Variants in CRPPA observed in about 807,000 individuals in gnomAD.
CRPPA encodes D-ribitol-5-phosphate cytidylyltransferase.
In CRPPA, 43 loss-of-function variants were observed where a neutral mutation model predicts 52.0. The ratio of observed to expected loss-of-function variants is 0.83; its 90% CI spans 0.65 to 1.07. CRPPA has a LOEUF of 1.07. CRPPA is among the 50% of genes least tolerant of loss of function. The pLI is 0.00. For missense variants in CRPPA, 629 were observed against 551.7 expected, an observed-to-expected ratio of 1.14 and a Z score of -1.40; for synonymous variants, 250 against 203.5, an observed-to-expected ratio of 1.23 and a Z score of -1.94.
At chr7:16,138,458 T>C (rs1782802561) in intron 9 of CRPPA, among the ~76,000 whole-genome samples, 2 of 152,148 alleles carry the variant, frequency 1.3e-5, no homozygotes, top group Non-Finnish European at 2.9e-5. Flanking sequence ...TAAAAGCTTT[T>C]AAGTGAACAT....
intron 3 of CRPPA, among the ~76,000 whole-genome samples, chr7:16,351,973 T>C (rs1391663217): frequency 6.6e-6 from 1 of 152,184 alleles, no homozygotes; most frequent in Non-Finnish European, 1.5e-5. Context: ...CGTATGTTTA[T>C]TGCAGCACTA....
intron 2 of CRPPA, among the ~76,000 whole-genome samples, chr7:16,400,351 T>C (rs995061592): frequency 2.0e-5 from 3 of 152,244 alleles, no homozygotes; most frequent in Non-Finnish European, 2.9e-5. Flanking sequence ...ATTGACATGA[T>C]TGACACATGA....
chr7:16,278,818 T>C (rs1345505445), intron 5 of CRPPA, among the ~76,000 whole-genome samples: 2 of 152,228 alleles, frequency 1.3e-5, no homozygotes, highest in Admixed American at 1.3e-4. Flanking sequence ...TTATAAACTA[T>C]GTAACACAGT....
At chr7:16,265,346 G>T (rs1379040933) in intron 6 of CRPPA, among the ~76,000 whole-genome samples, 1 of 152,150 alleles carries the variant, frequency 6.6e-6, no homozygotes, top group Admixed American at 6.6e-5. Context: ...CACTGCTATT[G>T]GATCCCTATC....
At chr7:16,142,453 GC>G (rs1406249520) in intron 9 of CRPPA, among the ~76,000 whole-genome samples, 1 of 152,176 alleles carries the variant, frequency 6.6e-6, no homozygotes, top group Non-Finnish European at 1.5e-5. Context: ...AAGAGATTGT[GC>G]AGGAAGAGAA....
chr7:16,395,079 T>C (rs753035058), intron 2 of CRPPA, among the ~76,000 whole-genome samples: 13 of 152,162 alleles, frequency 8.5e-5, no homozygotes, highest in Non-Finnish European at 1.5e-4. Flanking sequence ...CACATCTCCC[T>C]GAGAAGCTTG....
At chr7:16,408,759 C>T (rs1788013865) in intron 1 of CRPPA, among the ~76,000 whole-genome samples, 3 of 152,026 alleles carry the variant, frequency 2.0e-5, no homozygotes, top group Admixed American at 2.0e-4. Context: ...GGAGATGGTC[C>T]TGAATTATCT....
intron 8 of CRPPA, among the ~76,000 whole-genome samples, chr7:16,243,397 G>A (rs1489979716): frequency 6.6e-6 from 1 of 152,094 alleles, no homozygotes; most frequent in Non-Finnish European, 1.5e-5. Context: ...AAAATCTGTA[G>A]AATTCTGAGA....
intron 9 of CRPPA, among the ~76,000 whole-genome samples, chr7:16,195,875 T>C (rs1781719986): frequency 6.6e-6 from 1 of 152,100 alleles, no homozygotes; most frequent in Non-Finnish European, 1.5e-5. Flanking sequence ...CAGATTCCTT[T>C]GTTCCTCTGC....
intron 3 of CRPPA, among the ~76,000 whole-genome samples, chr7:16,373,211 G>A (rs142279301): frequency 0.02 from 3,097 of 152,046 alleles, 97 homozygotes; most frequent in African/African-American, 0.071. Flanking sequence ...CAGGAGAATC[G>A]CTTGAACCCA....
chr7:16,188,764 C>T (rs1436994779), intron 9 of CRPPA, among the ~76,000 whole-genome samples: 1 of 152,152 alleles, frequency 6.6e-6, no homozygotes, highest in African/African-American at 2.4e-5. Context: ...AATGTATTTA[C>T]TTTTATGTGG....
intron 9 of CRPPA, among the ~76,000 whole-genome samples, chr7:16,169,607 A>G (rs929419813): frequency 2.0e-5 from 3 of 152,240 alleles, no homozygotes; most frequent in Non-Finnish European, 2.9e-5. Context: ...AAAAAAATAT[A>G]TGCATTTAAT....
rs116046353 is a variant in CRPPA at position 16,283,316 on chromosome 7, A to G, written c.836-5090T>C. The stretch of plus-strand genomic sequence containing the variant: ...CCTATTCATACCTATATTGTATCAT[A>G]TATGTATTTTATATGTTATGAAAGT... On this transcript the variant is annotated intron_variant, in intron 5 of 9. Coordinates refer to ENST00000407010, the MANE Select transcript of CRPPA (RefSeq NM_001101426.4). 1.4e-3 allele frequency among the ~76,000 whole-genome samples: 207 copies of G among 150,788 alleles called. 1 individual carries two copies. Among genetic ancestry groups the G allele is most frequent in the African/African-American group, 4.9e-3 (201 of 41,266 alleles).
chr7:16,288,349 C>G (rs926895560), intron 5 of CRPPA, among the ~76,000 whole-genome samples: 8 of 151,434 alleles, frequency 5.3e-5, no homozygotes, highest in Admixed American at 5.3e-4. Context: ...TCAATTAAGT[C>G]AAGCTAAAAT....
Position 16,182,193 on chromosome 7 carries a change from A to G in CRPPA, c.1251+33873T>C, listed in dbSNP as rs537529060. On this transcript the variant is annotated intron_variant, in intron 9 of 9. Coordinates refer to ENST00000407010, the MANE Select transcript of CRPPA (RefSeq NM_001101426.4). ...ACCCAACTAATTGATGCCAGGCAGCATTAATAGGGATAAGAAAAATATTTT... is the reference window on the plus strand; with the variant it reads ...ACCCAACTAATTGATGCCAGGCAGCGTTAATAGGGATAAGAAAAATATTTT... Among the ~76,000 whole-genome samples, 12 of 152,150 alleles carry G rather than the reference A, an allele frequency of 7.9e-5. No homozygotes were observed. In the South Asian group the frequency reaches 2.5e-3, roughly 32 times the overall value.
At chr7:16,392,631 G>A (rs1031002025) in intron 2 of CRPPA, among the ~76,000 whole-genome samples, 6 of 152,198 alleles carry the variant, frequency 3.9e-5, no homozygotes, top group African/African-American at 7.2e-5. Context: ...CTGTGAACTC[G>A]TTTCCCTCAT....
At chr7:16,108,403 A>G (rs975622196) in intron 9 of CRPPA, among the ~76,000 whole-genome samples, 1 of 151,966 alleles carries the variant, frequency 6.6e-6, no homozygotes, top group African/African-American at 2.4e-5. Flanking sequence ...GGGTCAACAT[A>G]ATATAACAAT....
chr7:16,324,259 C>CT (rs1785327756), intron 3 of CRPPA, among the ~76,000 whole-genome samples: 1 of 152,138 alleles, frequency 6.6e-6, no homozygotes, highest in Admixed American at 6.6e-5. Context: ...AAGATGAACT[C>CT]CATATTACAG....
intron 3 of CRPPA, among the ~76,000 whole-genome samples, chr7:16,310,711 G>A: frequency 6.6e-6 from 1 of 152,034 alleles, no homozygotes; most frequent in East Asian, 1.9e-4. Flanking sequence ...ATATTCCAAA[G>A]ATGAACAACA....
Sources: allele counts gnomAD v4.1 joint callset (sites outside exome capture counted in the v4.1 genomes callset), GRCh38; gene constraint gnomAD v4.1.1; transcripts MANE v1.5; gene names NCBI Gene and HGNC (gene_info 2026-07-23, HGNC 2026-07-21).